The following BANK1 variants were observed in gnomAD, a reference collection of about 807,000 sequenced individuals.
BANK1 encodes the protein B cell scaffold protein with ankyrin repeats 1, also known as B-cell scaffold protein with ankyrin repeats.
A neutral mutation model predicts 94.5 loss-of-function variants in BANK1; 95 were observed. The observed-to-expected ratio is 1.00, with a 90% CI of 0.85 to 1.19. The LOEUF (loss-of-function observed/expected upper bound fraction) is 1.19, where lower values mean the gene tolerates loss of function less well. BANK1 is among the 50% of genes most tolerant of loss of function. The pLI is 0.00. For missense variants in BANK1, 987 were observed against 932.2 expected (o/e 1.06, Z -0.77); for synonymous variants, 334 against 308.4 (o/e 1.08, Z -0.87).
At chr4:101,897,094 T>G (rs1722109453) in intron 6 of BANK1, among the ~76,000 whole-genome samples, 1 of 151,974 alleles carries the variant, frequency 6.6e-6, no homozygotes, top group African/African-American at 2.4e-5. Context: ...CCTCACCTCA[T>G]GGTTTTGGTA....
At chr4:102,006,793 T>C (rs1317069041) in intron 7 of BANK1, among the ~76,000 whole-genome samples, 1 of 151,394 alleles carries the variant, frequency 6.6e-6, no homozygotes, top group Non-Finnish European at 1.5e-5. Flanking sequence ...ATTTTATCTT[T>C]AGTAAACCTG....
intron 7 of BANK1, among the ~76,000 whole-genome samples, chr4:101,957,277 C>A (rs1030096055): frequency 6.6e-6 from 1 of 152,144 alleles, no homozygotes; most frequent in Non-Finnish European, 1.5e-5. Flanking sequence ...GCCACTCTTT[C>A]AGGATTCCAT....
chr4:101,900,655 GAC>G (rs1722247522), intron 6 of BANK1, among the ~76,000 whole-genome samples: 1 of 152,128 alleles, frequency 6.6e-6, no homozygotes, highest in South Asian at 2.1e-4. Context: ...TGTAACTAAA[GAC>G]ATGTTTATAA....
chr4:101,826,533 A>C (rs959856533), intron 1 of BANK1, among the ~76,000 whole-genome samples: 14 of 151,988 alleles, frequency 9.2e-5, no homozygotes, highest in Non-Finnish European at 2.1e-4. Flanking sequence ...TTATAACTGT[A>C]GACCAGCTTA....
chr4:102,061,888 G>A (rs1728430846), intron 12 of BANK1: 1 of 151,990 alleles, frequency 6.6e-6, no homozygotes, highest in South Asian at 2.1e-4. Context: ...TTAAATAAAG[G>A]CCAACAGATA....
At chr4:101,886,428 A>G (rs1458502796) in intron 5 of BANK1, among the ~76,000 whole-genome samples, 1 of 152,208 alleles carries the variant, frequency 6.6e-6, no homozygotes. Context: ...GGCTCCCAAA[A>G]CAAACTAAAA....
In BANK1 at chr4:102,033,730, C is replaced by T. The variant is rs558186155; in HGVS notation, c.1900+3465C>T. On this transcript the variant is annotated intron_variant, in intron 10 of 16. Transcript: ENST00000322953. ...ATTTACTCTCATTATATTTGTATTA[C>T]ATGGAGATGAAAACTAGTGCTATAA... is the stretch of plus-strand genomic sequence containing the variant. 4.4e-3 allele frequency among the ~76,000 whole-genome samples: 675 copies of T among 152,272 alleles called. 1 individual carries two copies. The highest frequency in any genetic ancestry group is 7.9e-3 in the Non-Finnish European group (538 of 68,024).
intron 11 of BANK1, among the ~76,000 whole-genome samples, chr4:102,059,434 T>C (rs538779030): frequency 9.8e-5 from 15 of 152,328 alleles, no homozygotes; most frequent in Non-Finnish European, 1.8e-4. Flanking sequence ...AGCAGACATG[T>C]GTTGTCATCC....
intron 11 of BANK1, among the ~76,000 whole-genome samples, chr4:102,051,637 C>CATA (rs1488143406): frequency 3.9e-5 from 6 of 152,158 alleles, no homozygotes; most frequent in African/African-American, 1.4e-4. Context: ...GTCCTTTGCT[C>CATA]ATAATAGGAG....
intron 7 of BANK1, among the ~76,000 whole-genome samples, chr4:101,988,213 C>A (rs1431424959): frequency 6.6e-6 from 1 of 152,126 alleles, no homozygotes; most frequent in Non-Finnish European, 1.5e-5. Flanking sequence ...GTTCTCAAAT[C>A]CCGTGGTATT....
At chr4:101,852,789 C>T (rs1263221863) in intron 2 of BANK1, among the ~76,000 whole-genome samples, 1 of 151,990 alleles carries the variant, frequency 6.6e-6, no homozygotes, top group Non-Finnish European at 1.5e-5. Flanking sequence ...ACAAACACTA[C>T]TTCTGTGAAT....
At chr4:101,809,740 C>T (rs1239538216) in intron 1 of BANK1, among the ~76,000 whole-genome samples, 1 of 152,110 alleles carries the variant, frequency 6.6e-6, no homozygotes, top group Non-Finnish European at 1.5e-5. Context: ...GCTACAAATA[C>T]TGTGTGAAGT....
intron 5 of BANK1, among the ~76,000 whole-genome samples, chr4:101,880,432 A>T (rs1728636267): frequency 1.3e-5 from 2 of 152,046 alleles, no homozygotes. Flanking sequence ...TAAAATGAAG[A>T]GATGAAAAAA....
At position 102,044,009 on chromosome 4, in the gene BANK1, T is replaced by G. The variant is rs570886167; in HGVS notation, c.1969+102T>G. On this transcript the variant is annotated intron_variant, in intron 11 of 16. Transcript: ENST00000322953. ...CTCCTAGGACAGAAGTATGTAATTG[T>G]GTGCTTTATAAATCTTACTCTTTTT... 2.4e-5 allele frequency: 15 copies of G among 621,914 alleles called. No individual in the cohort carries two copies. The East Asian group carries it at 3.7e-4, about 15-fold the overall frequency. The allele number at this position is 621,914 out of a possible 1,614,324, so 38.5% of individuals were successfully genotyped here.
chr4:101,795,428 T>C (rs1456776810), intron 1 of BANK1, among the ~76,000 whole-genome samples: 1 of 152,160 alleles, frequency 6.6e-6, no homozygotes. Context: ...ATGTTTTTTT[T>C]TCTAGGATGG....
intron 6 of BANK1, among the ~76,000 whole-genome samples, chr4:101,915,615 T>A (rs1310390841): frequency 2.6e-5 from 4 of 152,106 alleles, no homozygotes. Context: ...TAACAAGAAT[T>A]CAATTACAAC....
At chr4:101,833,882 T>C (rs1226109624) in intron 2 of BANK1, among the ~76,000 whole-genome samples, 1 of 152,192 alleles carries the variant, frequency 6.6e-6, no homozygotes, top group African/African-American at 2.4e-5. Flanking sequence ...TCTCTCTTTT[T>C]AGTATTCCTC....
chr4:102,061,169 G>C (rs1466190808), intron 12 of BANK1, among the ~76,000 whole-genome samples: 1 of 152,130 alleles, frequency 6.6e-6, no homozygotes, highest in South Asian at 2.1e-4. Context: ...ATTGATAATA[G>C]CTTAATATTG....
At chr4:101,835,006 C>T (rs539283241) in intron 2 of BANK1, among the ~76,000 whole-genome samples, 3 of 152,048 alleles carry the variant, frequency 2.0e-5, no homozygotes, top group Non-Finnish European at 4.4e-5. Flanking sequence ...AACCAAATTT[C>T]CTGTCTTCTT....
Sources: allele counts gnomAD v4.1 joint callset (sites outside exome capture counted in the v4.1 genomes callset), GRCh38; gene constraint gnomAD v4.1.1; transcripts MANE v1.5; gene names NCBI Gene and HGNC (gene_info 2026-07-23, HGNC 2026-07-21).